UBE2O: variants seen among roughly 807,000 people sequenced by gnomAD.
The protein encoded by UBE2O is (E3-independent) E2 ubiquitin-conjugating enzyme.
In UBE2O, 15 loss-of-function variants were observed where a neutral mutation model predicts 125.8. The observed-to-expected ratio is 0.12, with a 90% confidence interval of 0.08 to 0.18. The LOEUF (loss-of-function observed/expected upper bound fraction) is 0.18, where lower values mean the gene tolerates loss of function less well. Ranked by LOEUF, UBE2O falls within the 10% of genes least tolerant of loss-of-function variation. The probability of loss-of-function intolerance (pLI) is 1.00; values close to 1 mark genes in which losing one functional copy is unlikely to be tolerated. For missense variants in UBE2O, 1,280 were observed against 1,723.6 expected, an observed-to-expected ratio of 0.74 and a Z score of 4.56; for synonymous variants, 708 against 703.2, an observed-to-expected ratio of 1.01 and a Z score of -0.11.
chr17:76,443,473 G>A (rs2073107239), intron 1 of UBE2O, among the ~76,000 whole-genome samples: 2 of 152,112 alleles, frequency 1.3e-5, no homozygotes, highest in Middle Eastern at 3.2e-3. Context: ...ATTTTTAGTA[G>A]AGATGGGGTT....
intron 1 of UBE2O, among the ~76,000 whole-genome samples, chr17:76,442,765 G>C (rs752397602): frequency 6.6e-6 from 1 of 152,196 alleles, no homozygotes; most frequent in African/African-American, 2.4e-5. Flanking sequence ...CAATCCAGGC[G>C]ATCACTTGGG....
At chr17:76,428,485 A>G (rs2072848325) in intron 1 of UBE2O, among the ~76,000 whole-genome samples, 1 of 152,196 alleles carries the variant, frequency 6.6e-6, no homozygotes, top group South Asian at 2.1e-4. Context: ...TGATTTTTAT[A>G]GTAACTTTTT....
intron 1 of UBE2O, among the ~76,000 whole-genome samples, chr17:76,411,747 G>A (rs542563591): frequency 1.3e-5 from 2 of 152,250 alleles, no homozygotes; most frequent in African/African-American, 2.4e-5. Flanking sequence ...GGGCAGTGGC[G>A]CAAGCAGGGT....
At chr17:76,409,989 G>C (rs2072489386) in intron 1 of UBE2O, among the ~76,000 whole-genome samples, 1 of 152,188 alleles carries the variant, frequency 6.6e-6, no homozygotes, top group South Asian at 2.1e-4. Context: ...GCCCCTCCGA[G>C]GTGATGCTGA....
Position 76,391,826 on chromosome 17 carries a change from G to C in UBE2O, c.3151-13C>G. 6 of 1,614,034 alleles carry C rather than the reference G, an allele frequency of 3.7e-6. No homozygotes were observed. The highest frequency in any genetic ancestry group is 5.1e-6 in the Non-Finnish European group (6 of 1,179,998). Reference sequence around the variant, plus strand: ...ACCTCTCTGTCCCCTGAAACACACAGGGCACCATCAATTCTGTTCCCCAGG... The same window carrying C: ...ACCTCTCTGTCCCCTGAAACACACACGGCACCATCAATTCTGTTCCCCAGG... On this transcript the variant is annotated splice_polypyrimidine_tract_variant and intron_variant, in intron 16 of 17. Coordinates refer to ENST00000319380, the MANE Select transcript of UBE2O (RefSeq NM_022066.4). This position sits in a 1 kb window ranked among gnomAD's most constrained non-coding sequence, Gnocchi z 8.4.
intron 1 of UBE2O, among the ~76,000 whole-genome samples, chr17:76,425,857 A>T (rs1422899972): frequency 6.6e-6 from 1 of 151,982 alleles, no homozygotes; most frequent in Non-Finnish European, 1.5e-5. Flanking sequence ...GCAGAATTCC[A>T]TCCTGTCTCT....
At chr17:76,409,313 C>G (rs1475065722) in intron 1 of UBE2O, among the ~76,000 whole-genome samples, 1 of 151,868 alleles carries the variant, frequency 6.6e-6, no homozygotes, top group Non-Finnish European at 1.5e-5. Context: ...GGTTTCTGAA[C>G]AGAAAAAGGA....
At chr17:76,422,484 A>G (rs767620155) in intron 1 of UBE2O, among the ~76,000 whole-genome samples, 3 of 152,360 alleles carry the variant, frequency 2.0e-5, no homozygotes, top group Non-Finnish European at 4.4e-5. Flanking sequence ...AGCAAACTGA[A>G]TAACCACTGG....
rs987943276 is a variant in UBE2O, at chr17:76,404,549, G to A, written c.588+657C>T. ...TGTTCCTGAATTGGGTCCTGGATCC[G>A]CAAAGAAGAAAAGAGTAGTGTTGGG... On this transcript the variant is annotated intron_variant, in intron 3 of 17. Coordinates refer to ENST00000319380, the MANE Select transcript of UBE2O (RefSeq NM_022066.4). This position sits in a 1 kb window ranked among gnomAD's most constrained non-coding sequence, Gnocchi z 4.3. Among the ~76,000 whole-genome samples, 1 of 152,232 alleles carries A rather than the reference G, an allele frequency of 6.6e-6. No individual in the cohort carries two copies. The highest frequency in any genetic ancestry group is 1.5e-5 in the Non-Finnish European group (1 of 68,042).
intron 1 of UBE2O, among the ~76,000 whole-genome samples, chr17:76,407,588 A>C (rs976064014): frequency 6.6e-6 from 1 of 152,208 alleles, no homozygotes; most frequent in Non-Finnish European, 1.5e-5. Flanking sequence ...AGGAGGAGAG[A>C]AGAACGCAGA....
At chr17:76,392,380 T>G (rs541514802) in intron 15 of UBE2O, among the ~76,000 whole-genome samples, 14 of 152,188 alleles carry the variant, frequency 9.2e-5, no homozygotes, top group African/African-American at 3.4e-4. Flanking sequence ...AATGGCTCAC[T>G]GCAGCCTCCC....
At chr17:76,394,516 T>A (rs1414338377) in intron 15 of UBE2O, among the ~76,000 whole-genome samples, 1 of 152,196 alleles carries the variant, frequency 6.6e-6, no homozygotes, top group Non-Finnish European at 1.5e-5. Flanking sequence ...TCATTATGAA[T>A]CAACACAGGT....
At chr17:76,421,390 G>A (rs1013311629) in intron 1 of UBE2O, among the ~76,000 whole-genome samples, 6 of 147,054 alleles carry the variant, frequency 4.1e-5, no homozygotes, top group African/African-American at 1.5e-4. Flanking sequence ...TTTTTGAGAC[G>A]GAGTTTCGCT....
At chr17:76,409,944 C>T (rs2072488941) in intron 1 of UBE2O, among the ~76,000 whole-genome samples, 1 of 152,110 alleles carries the variant, frequency 6.6e-6, no homozygotes, top group Non-Finnish European at 1.5e-5. Context: ...AGAGGGAGAG[C>T]ACAGTGAAGA....
In UBE2O at chr17:76,402,146, G is replaced by C. The variant is rs988108391; in HGVS notation, c.687-19C>G. Reference sequence around the variant, plus strand: ...GGAGCACCTAAAACAGAGAACAGAGGTTTGGTCTCCACCAGGGGACACAGT... The same window carrying C: ...GGAGCACCTAAAACAGAGAACAGAGCTTTGGTCTCCACCAGGGGACACAGT... On this transcript the variant is annotated intron_variant, in intron 4 of 17. Transcript: ENST00000319380. The surrounding 1 kb of genome is among the most constrained non-coding windows in gnomAD (Gnocchi z 5.4). 3.1e-6 allele frequency: 5 copies of C among 1,612,314 alleles called. No individual in the cohort carries two copies. In the African/African-American group the frequency reaches 5.3e-5, roughly 17 times the overall value.
intron 1 of UBE2O, among the ~76,000 whole-genome samples, chr17:76,415,795 C>CTCTGTGTG (rs1555607402): frequency 0.055 from 7,839 of 143,194 alleles, 246 homozygotes; most frequent in Middle Eastern, 0.12. Flanking sequence ...CAGAGCAAGA[C>CTCTGTGTG]TGTGTGTGTG....
At chr17:76,440,958 C>G (rs1306177658) in intron 1 of UBE2O, among the ~76,000 whole-genome samples, 1 of 152,200 alleles carries the variant, frequency 6.6e-6, no homozygotes, top group Non-Finnish European at 1.5e-5. Context: ...CAGCACCCAG[C>G]ACAGTGCAGG....
chr17:76,396,591 T>C lies in UBE2O; in HGVS notation c.2346A>G (p.Thr782=), dbSNP rs765630769. The C allele has an allele frequency of 1.2e-6, 2 of 1,607,194 alleles. No homozygotes were observed. The highest frequency in any genetic ancestry group is 1.3e-5 in the African/African-American group (1 of 74,482). Residue 782 remains threonine, a synonymous_variant, in exon 14 of 18, where the codon ACA becomes ACG. Coordinates refer to ENST00000319380, the MANE Select transcript of UBE2O (RefSeq NM_022066.4). This position sits in a 1 kb window ranked among gnomAD's most constrained non-coding sequence, Gnocchi z 6.7. ...TGGCCACAGCCCCCTGGACGGCAGCTGTGGCTGCCTCTTCACTGATCACCA... is the reference window on the plus strand; with the variant it reads ...TGGCCACAGCCCCCTGGACGGCAGCCGTGGCTGCCTCTTCACTGATCACCA... ...KGVVISEEAA[T]AAVQGAVAMA...
chr17:76,414,882 TA>T (rs2072574665), intron 1 of UBE2O, among the ~76,000 whole-genome samples: 1 of 151,978 alleles, frequency 6.6e-6, no homozygotes, highest in Non-Finnish European at 1.5e-5. Flanking sequence ...CAACCTGGCT[TA>T]AAAAAAGACA....
Sources: allele counts gnomAD v4.1 joint callset (sites outside exome capture counted in the v4.1 genomes callset), GRCh38; gene constraint gnomAD v4.1.1; non-coding constraint Gnocchi (gnomAD v3.1); transcripts MANE v1.5; gene names NCBI Gene and HGNC (gene_info 2026-07-23, HGNC 2026-07-21).